ELOB: variants seen among roughly 807,000 people sequenced by gnomAD.
ELOB encodes elongin B, also known as elongin-B.
Under a neutral mutation model 12.9 loss-of-function variants are expected in ELOB, and 3 were observed. The observed-to-expected ratio is 0.23, with a 90% confidence interval of 0.11 to 0.60. ELOB has a LOEUF of 0.60. Ranked by LOEUF, ELOB falls within the 20% of genes least tolerant of loss-of-function variation. The pLI is 0.89. For synonymous variants in ELOB, 84 were observed against 67.4 expected, an observed-to-expected ratio of 1.25 and a Z score of -1.21; for missense variants, 126 against 159.2, an observed-to-expected ratio of 0.79 and a Z score of 1.12.
chr16:2,776,890 C>G, intron 2 of ELOB, 103 bp downstream of exon 2: 1 of 1,411,352 alleles, frequency 7.1e-7, no homozygotes, highest in Non-Finnish European at 9.3e-7. Context: ...CGGGCGCCCG[C>G]AGGCGTCGCC....
In ELOB at chr16:2,771,515, G is replaced by A. The variant is rs752054059; in HGVS notation, c.*475C>T. 5 of 1,614,062 alleles carry A rather than the reference G, an allele frequency of 3.1e-6. No individual in the cohort carries two copies. The highest frequency in any genetic ancestry group is 4.2e-6 in the Non-Finnish European group (5 of 1,180,046). On this transcript the variant is annotated 3_prime_UTR_variant, in exon 4 of 4. Transcript: ENST00000409906. ...GTGGACCTGTGTGGGTCCGTCTTGG[G>A]GTTCCCTCGTTGAACATGCTGTCAA...
chr16:2,771,646 CTG>C lies in ELOB; in HGVS notation c.*342_*343del, dbSNP rs1460481460. ...CACTTAGAAGGAGAAAGGCCTAAAA[CTG>C]GAATCTCTTGTCCCTGAGGCTGGCT... On this transcript the variant is annotated 3_prime_UTR_variant, in exon 4 of 4. Transcript: ENST00000409906. 52 of 1,612,610 alleles carry C rather than the reference CTG, an allele frequency of 3.2e-5. No homozygotes were observed. In the Admixed American group the frequency reaches 8.7e-4, roughly 27 times the overall value.
intron 1 of ELOB, 40 bp downstream of exon 1, chr16:2,777,197 C>CCCGGA: frequency 1.0e-6 from 1 of 997,842 alleles, no homozygotes; most frequent in East Asian, 1.1e-4. Flanking sequence ...CCCCGCCGCC[C>CCCGGA]CCGGCCCGGC....
At chr16:2,775,275 TA>T (rs1398977762) in intron 3 of ELOB, among the ~76,000 whole-genome samples, 175 bp downstream of exon 3, 5 of 150,440 alleles carry the variant, frequency 3.3e-5, no homozygotes, top group East Asian at 2.0e-4. Context: ...GCTTCTTTTT[TA>T]AAAAAAAAAA....
chr16:2,773,141 T>G (rs1409508572), intron 3 of ELOB, among the ~76,000 whole-genome samples: 1 of 152,124 alleles, frequency 6.6e-6, no homozygotes, highest in African/African-American at 2.4e-5. Flanking sequence ...TTTTCTCCTG[T>G]GCTTTCTTCC....
chr16:2,772,147 GC>G (rs1232900259), intron 3 of ELOB, 45 bp from the exon 4 acceptor site: 3 of 1,527,958 alleles, frequency 2.0e-6, no homozygotes, highest in Non-Finnish European at 2.6e-6. Flanking sequence ...TCCAGCTCTT[GC>G]CCCAGCTGGG....
intron 3 of ELOB, 45 bp from the exon 4 acceptor site, chr16:2,772,147 GCCC>G: frequency 6.5e-7 from 1 of 1,528,076 alleles, no homozygotes; most frequent in Non-Finnish European, 8.8e-7. Flanking sequence ...TCCAGCTCTT[GCCC>G]CAGCTGGGGC....
chr16:2,773,831 C>T (rs2150784376), intron 3 of ELOB, among the ~76,000 whole-genome samples: 1 of 152,304 alleles, frequency 6.6e-6, no homozygotes, highest in South Asian at 2.1e-4. Context: ...TCTAGGGGTA[C>T]CACTGTTGAA....
At chr16:2,772,138 C>T (rs770285139) in intron 3 of ELOB, 36 bp from the exon 4 acceptor site, 2 of 1,542,150 alleles carry the variant, frequency 1.3e-6, no homozygotes, top group Admixed American at 4.1e-5. Flanking sequence ...GGGGGGTATT[C>T]CAGCTCTTGC....
rs374236114 is a variant in ELOB, at chr16:2,771,607, A to G, written c.*383T>C. On this transcript the variant is annotated 3_prime_UTR_variant, in exon 4 of 4. Transcript: ENST00000409906. ...TCGTCTGGGAGTGGACATGCAGGCT[A>G]TGGGGGTGGGGGGCACTTAGAAGGA... 1.2e-4 allele frequency: 198 copies of G among 1,608,016 alleles called. No homozygotes were observed. The highest frequency in any genetic ancestry group is 1.6e-4 in the Non-Finnish European group (188 of 1,176,932).
chr16:2,773,446 A>G (rs978958722), intron 3 of ELOB, among the ~76,000 whole-genome samples: 1 of 152,140 alleles, frequency 6.6e-6, no homozygotes, highest in African/African-American at 2.4e-5. Flanking sequence ...TTCTTTTGTG[A>G]TGAGCCGGGA....
chr16:2,771,924 AAG>A lies in ELOB; in HGVS notation c.*64_*65del, dbSNP rs1367462514. 2.6e-6 allele frequency: 4 copies of A among 1,553,484 alleles called. No homozygotes were observed. Among genetic ancestry groups the A allele is most frequent in the Non-Finnish European group, 3.5e-6 (4 of 1,149,616 alleles). Reference sequence around the variant, plus strand: ...ACCCATCCCAGGGAGGGGCGGGAAAAAGAGGCAGCAACCAGGCAGACTCCCAA... The same window carrying A: ...ACCCATCCCAGGGAGGGGCGGGAAAAAGGCAGCAACCAGGCAGACTCCCAA... On this transcript the variant is annotated 3_prime_UTR_variant, in exon 4 of 4. Coordinates refer to ENST00000409906, the MANE Select transcript of ELOB (RefSeq NM_007108.4).
Position 2,775,565 on chromosome 16 carries a change from A to T in ELOB, c.139-9T>A. On this transcript the variant is annotated splice_polypyrimidine_tract_variant and intron_variant, in intron 2 of 3. Transcript: ENST00000409906. ...TCCAAGAGTTGGTCATCCTGAGGAG[A>T]GAAGCAGGATCTTGGGAGAGGCCCT... 1 of 1,604,522 alleles carries T rather than the reference A, an allele frequency of 6.2e-7. No homozygotes were observed.
intron 3 of ELOB, among the ~76,000 whole-genome samples, chr16:2,775,119 G>A (rs754171413): frequency 2.6e-5 from 4 of 151,604 alleles, no homozygotes; most frequent in Non-Finnish European, 5.9e-5. Context: ...GGACTTCCCA[G>A]GGCTACTGAG....
In ELOB at chr16:2,775,393, AAC is replaced by A. The variant is rs2068793028; in HGVS notation, c.244+56_244+57del. On this transcript the variant is annotated intron_variant, in intron 3 of 3. Coordinates refer to ENST00000409906, the MANE Select transcript of ELOB (RefSeq NM_007108.4). ...CAGGCTCCCTGATGACCTTCTTTGG[AAC>A]AGTGTTCCCAACCTGCTTGGCTACC... is the stretch of plus-strand genomic sequence containing the variant. 4 of 1,317,224 alleles carry A rather than the reference AAC, an allele frequency of 3.0e-6. No individual in the cohort carries two copies. In the African/African-American group the frequency reaches 4.4e-5, roughly 14 times the overall value. The allele number at this position is 1,317,224 out of a possible 1,614,324, so 81.6% of individuals were successfully genotyped here. A position where few individuals can be genotyped will look rare whatever the true frequency, so the allele number is the denominator to read the frequency against.
At position 2,771,503 on chromosome 16, in the gene ELOB, G is replaced by GGT. The variant is rs2068747174; in HGVS notation, c.*485_*486dup. 1 of 1,614,064 alleles carries GGT rather than the reference G, an allele frequency of 6.2e-7. No homozygotes were observed. Among genetic ancestry groups the GGT allele is most frequent in the Admixed American group, 1.7e-5 (1 of 60,006 alleles). On this transcript the variant is annotated 3_prime_UTR_variant, in exon 4 of 4. Transcript: ENST00000409906. ...CCCCCAGCGTGGGTGGACCTGTGTG[G>GGT]GTCCGTCTTGGGGTTCCCTCGTTGA... is the stretch of plus-strand genomic sequence containing the variant.
At chr16:2,772,573 G>A (rs2068768533) in intron 3 of ELOB, 1 of 151,430 alleles carries the variant, frequency 6.6e-6, no homozygotes, top group African/African-American at 2.4e-5. Flanking sequence ...AGCCGGGCAT[G>A]GTGGCGGGCA....
chr16:2,775,389 T>C (rs962646403), intron 3 of ELOB, 62 bp downstream of exon 3: 13 of 1,285,188 alleles, frequency 1.0e-5, no homozygotes, highest in African/African-American at 1.5e-5. Flanking sequence ...ATGACCTTCT[T>C]TGGAACAGTG....
intron 2 of ELOB, among the ~76,000 whole-genome samples, chr16:2,776,253 G>T (rs1383012260): frequency 6.6e-6 from 1 of 152,204 alleles, no homozygotes; most frequent in African/African-American, 2.4e-5. Context: ...AGTGAGGAAA[G>T]GCCTTTAGAG....
Sources: allele counts gnomAD v4.1 joint callset (sites outside exome capture counted in the v4.1 genomes callset), GRCh38; gene constraint gnomAD v4.1.1; transcripts MANE v1.5; gene names NCBI Gene and HGNC (gene_info 2026-07-23, HGNC 2026-07-21).